MUC13: variants seen among roughly 807,000 people sequenced by gnomAD.
The protein encoded by MUC13 is mucin 13, cell surface associated, also known as mucin-13.
A neutral mutation model predicts 48.3 loss-of-function variants in MUC13; 32 were observed. The ratio of observed to expected loss-of-function variants is 0.66; its 90% confidence interval spans 0.50 to 0.89. The LOEUF (loss-of-function observed/expected upper bound fraction) is 0.89, where lower values mean the gene tolerates loss of function less well. Among genes scored for constraint, MUC13 ranks in the 40% least tolerant of loss-of-function variants. The pLI is 0.00. For missense variants in MUC13, 571 were observed against 622.8 expected (o/e 0.92, Z 0.88); for synonymous variants, 199 against 224.9 (o/e 0.88, Z 1.03).
intron 1 of MUC13, among the ~76,000 whole-genome samples, chr3:124,931,622 C>T (rs538682916): frequency 3.5e-4 from 53 of 152,054 alleles, no homozygotes; most frequent in African/African-American, 1.3e-3. Context: ...GTGGCAGGCA[C>T]CTATAATCCC....
At chr3:124,918,266 G>C (rs373671047) in intron 5 of MUC13, among the ~76,000 whole-genome samples, 2 of 152,200 alleles carry the variant, frequency 1.3e-5, no homozygotes, top group African/African-American at 4.8e-5. Flanking sequence ...CCTAAGAAAT[G>C]CCTTTCTAGG....
intron 1 of MUC13, among the ~76,000 whole-genome samples, chr3:124,928,766 T>C (rs1160126457): frequency 6.6e-6 from 1 of 152,204 alleles, no homozygotes. Context: ...GGGTTTAATA[T>C]ACTTCAGACC....
chr3:124,909,146 T>A (rs1306760795), intron 10 of MUC13, among the ~76,000 whole-genome samples: 2 of 150,436 alleles, frequency 1.3e-5, no homozygotes, highest in Non-Finnish European at 1.5e-5. Flanking sequence ...AGACCAAGAC[T>A]CTGTCTCAAA....
intron 1 of MUC13, among the ~76,000 whole-genome samples, chr3:124,932,021 G>T (rs1198240722): frequency 6.6e-6 from 1 of 151,922 alleles, no homozygotes; most frequent in Non-Finnish European, 1.5e-5. Context: ...CTCCAGCCTG[G>T]GCAACAAGAA....
Position 124,916,353 on chromosome 3 carries a change from T to G in MUC13, c.928A>C (p.Ile310Leu). ...KTVTEKINKA[I>L]RSSSSNFLNY... The stretch of plus-strand genomic sequence containing the variant: ...AGAAAGTTGCTTGAGCTACTTCTAA[T>G]TGCTTTATTAATTTTCTCAGTCACA... The change falls in exon 6 of 12, where the codon ATT (isoleucine) becomes CTT (leucine). Residue 310 changes from isoleucine to leucine, a missense_variant. By Grantham distance (5) the Ile-to-Leu change is conservative. Transcript: ENST00000616727. 6.2e-7 allele frequency: 1 copy of G among 1,612,976 alleles called. No individual in the cohort carries two copies. The highest frequency in any genetic ancestry group is 1.3e-5 in the African/African-American group (1 of 75,032).
At position 124,905,931 on chromosome 3, in the gene MUC13, C is replaced by G. The variant is rs990961114; in HGVS notation, c.*812G>C. ...AAGGTGGATCCCAGGTGCCTCCTCT[C>G]TAATTGATCCTCCCCACCCAGTTTC... On this transcript the variant is annotated 3_prime_UTR_variant, in exon 12 of 12. Transcript: ENST00000616727. The G allele has an allele frequency of 6.6e-6, 1 of 152,608 alleles. No homozygotes were observed. The highest frequency in any genetic ancestry group is 2.4e-5 in the African/African-American group (1 of 41,450). The allele number at this position is 152,608 out of a possible 1,614,324, so 9.5% of individuals were successfully genotyped here.
intron 9 of MUC13, 47 bp from the exon 10 acceptor site, chr3:124,910,546 C>A (rs768979307): frequency 6.2e-7 from 1 of 1,609,478 alleles, no homozygotes; most frequent in Non-Finnish European, 8.5e-7. Flanking sequence ...AGCTGGCCCC[C>A]AACTGTCTAC....
chr3:124,927,315 G>T (rs926878929), intron 2 of MUC13, among the ~76,000 whole-genome samples: 1 of 152,168 alleles, frequency 6.6e-6, no homozygotes, highest in Non-Finnish European at 1.5e-5. Flanking sequence ...CTTGAGGTAG[G>T]ATGGGAGGGA....
At chr3:124,925,321 G>A (rs959166300) in intron 2 of MUC13, among the ~76,000 whole-genome samples, 4 of 152,244 alleles carry the variant, frequency 2.6e-5, no homozygotes, top group South Asian at 2.1e-4. Context: ...TAGAGGGGAG[G>A]ATGAAAAGTG....
chr3:124,933,501 A>G (rs1440840175), intron 1 of MUC13, among the ~76,000 whole-genome samples: 2 of 152,194 alleles, frequency 1.3e-5, no homozygotes, highest in East Asian at 3.8e-4. Context: ...CCCTTCATCA[A>G]GATAAGGACT....
At position 124,934,671 on chromosome 3, in the gene MUC13, A is replaced by T; in HGVS notation, c.42T>A (p.Ser14=). ...AAAAATATTCCTTACCTGTGTTTAC[A>T]GAAAGGAGAGCAAGAAGAGTAAGAT... ...IIHLTLLALL[S]VNTATNQGNS... The change falls in exon 1 of 12, where the codon TCT becomes TCA. Residue 14 remains serine (S), a synonymous_variant. Coordinates refer to ENST00000616727, the MANE Select transcript of MUC13 (RefSeq NM_033049.4). 6.2e-7 allele frequency: 1 copy of T among 1,608,242 alleles called. No individual in the cohort carries two copies. The highest frequency in any genetic ancestry group is 8.5e-7 in the Non-Finnish European group (1 of 1,174,828).
At position 124,917,115 on chromosome 3, in the gene MUC13, A is replaced by G. The variant is rs368433243; in HGVS notation, c.801-635T>C. On this transcript the variant is annotated intron_variant, in intron 5 of 11. Coordinates refer to ENST00000616727, the MANE Select transcript of MUC13 (RefSeq NM_033049.4). The stretch of plus-strand genomic sequence containing the variant: ...ATATGAAGTGCCTGCCATGAGCAAG[A>G]CATTGTCACTGTCTCTCTCTCTCTC... Among the ~76,000 whole-genome samples, 4 of 152,090 alleles carry G rather than the reference A, an allele frequency of 2.6e-5. 1 individual carries two copies. In the South Asian group the frequency reaches 8.3e-4, roughly 32 times the overall value.
chr3:124,911,597 G>T (rs57790152), intron 9 of MUC13, among the ~76,000 whole-genome samples: 1 of 147,050 alleles, frequency 6.8e-6, no homozygotes, highest in African/African-American at 2.5e-5. Context: ...TTTAAAGTTA[G>T]TATTGTCTTA....
At chr3:124,927,482 C>A in intron 2 of MUC13, 50 bp downstream of exon 2, 1 of 1,563,960 alleles carries the variant, frequency 6.4e-7, no homozygotes, top group South Asian at 1.2e-5. Flanking sequence ...TCCCTCCCTC[C>A]ACAATTGTAC....
chr3:124,933,955 T>C (rs1480497312), intron 1 of MUC13, among the ~76,000 whole-genome samples: 1 of 152,202 alleles, frequency 6.6e-6, no homozygotes, highest in African/African-American at 2.4e-5. Flanking sequence ...ACGTGACAAT[T>C]ACTCCCTATG....
chr3:124,927,371 G>A (rs1379081423), intron 2 of MUC13, among the ~76,000 whole-genome samples, 161 bp downstream of exon 2: 1 of 152,172 alleles, frequency 6.6e-6, no homozygotes, highest in African/African-American at 2.4e-5. Context: ...GGCCTCTGCT[G>A]TCACTACATT....
intron 5 of MUC13, among the ~76,000 whole-genome samples, chr3:124,917,051 G>A (rs543130521): frequency 1.8e-4 from 28 of 152,184 alleles, no homozygotes; most frequent in African/African-American, 6.3e-4. Flanking sequence ...AAACAAAGAG[G>A]GCCGGGGCTG....
chr3:124,922,231 G>C lies in MUC13; in HGVS notation c.710C>G (p.Ala237Gly), dbSNP rs141053393. The C allele has an allele frequency of 6.2e-7, 1 of 1,614,068 alleles. No homozygotes were observed. The highest frequency in any genetic ancestry group is 1.1e-5 in the South Asian group (1 of 91,060). ...AATTTCACTATGCAAGTCTTGATAG[G>C]CCATGGAATGTTTCTCTTCTGGGTC... ...TFDPEEKHSM[A>G]YQDLHSEITS... is the part of the protein sequence containing the mutation. The change falls in exon 4 of 12, where the codon GCC becomes GGC. Residue 237 changes from alanine to glycine, a missense_variant. Ala to Gly is a moderately conservative substitution (Grantham distance 60). Transcript: ENST00000616727.
intron 8 of MUC13, among the ~76,000 whole-genome samples, 174 bp downstream of exon 8, chr3:124,912,935 CAA>C (rs1175714352): frequency 4.1e-4 from 17 of 41,254 alleles, no homozygotes; most frequent in South Asian, 8.3e-4. Flanking sequence ...GACTCCATCT[CAA>C]AAAAAAAAAA....
Sources: allele counts gnomAD v4.1 joint callset (sites outside exome capture counted in the v4.1 genomes callset), GRCh38; gene constraint gnomAD v4.1.1; transcripts MANE v1.5; gene names NCBI Gene and HGNC (gene_info 2026-07-23, HGNC 2026-07-21).